The following CARMIL3 variants were observed in gnomAD, a reference collection of about 807,000 sequenced individuals.
The protein encoded by CARMIL3 is capping protein regulator and myosin 1 linker 3, also known as capping protein, Arp2/3 and myosin-I linker protein 3.
A neutral mutation model predicts 180.8 loss-of-function variants in CARMIL3; 88 were observed. The observed-to-expected ratio is 0.49, with a 90% CI of 0.41 to 0.58. CARMIL3 has a LOEUF of 0.58. Ranked by LOEUF, CARMIL3 falls within the 20% of genes least tolerant of loss-of-function variation. CARMIL3 has a pLI of 0.00. For synonymous variants in CARMIL3, 696 were observed against 714.5 expected (o/e 0.97, Z 0.41); for missense variants, 1,548 against 1,787.0 (o/e 0.87, Z 2.41).
chr14:24,057,809 G>T lies in CARMIL3; in HGVS notation c.1147G>T (p.Gly383Cys). The T allele has an allele frequency of 6.2e-7, 1 of 1,608,240 alleles. No individual in the cohort carries two copies. The highest frequency in any genetic ancestry group is 8.5e-7 in the Non-Finnish European group (1 of 1,179,332). The change falls in exon 15 of 40, where the codon GGT becomes TGT. Residue 383 changes from glycine to cysteine, a missense_variant. Gly to Cys is a radical substitution (Grantham distance 159). Around this residue, in one of 4 missense-constraint regions of CARMIL3, gnomAD observed 578 missense variants for 666.5 expected, o/e 0.87. Transcript: ENST00000342740. ...GTDCVIDLLL[G>C]ALLHGCCSHL... ...ACCATATCTCCCCCCACAGCTTCTCGGTGCCCTGCTCCACGGCTGCTGCTC... is the reference window on the plus strand; with the variant it reads ...ACCATATCTCCCCCCACAGCTTCTCTGTGCCCTGCTCCACGGCTGCTGCTC...
chr14:24,061,570 A>G lies in CARMIL3; in HGVS notation c.2378A>G (p.Asn793Ser). ...PVAMRVAEGH[N>S]KMLSNVAERV... is the part of the protein sequence containing the mutation. ...GCCATGCGGGTGGCCGAGGGACACA[A>G]CAAGATGCTGAGCAATGTGGCGGAG... The change falls in exon 27 of 40, where the codon AAC (asparagine) becomes AGC (serine). Residue 793 changes from asparagine (N) to serine (S), a missense_variant. Around this residue, in one of 4 missense-constraint regions of CARMIL3, gnomAD observed 297 missense variants for 415.9 expected, o/e 0.71. Coordinates refer to ENST00000342740, the MANE Select transcript of CARMIL3 (RefSeq NM_138360.4). The surrounding 1 kb of genome is among the most constrained non-coding windows in gnomAD (Gnocchi z 4.1). 6.2e-7 allele frequency: 1 copy of G among 1,614,040 alleles called. No homozygotes were observed. Among genetic ancestry groups the G allele is most frequent in the Non-Finnish European group, 8.5e-7 (1 of 1,179,984 alleles).
Position 24,066,943 on chromosome 14 carries a change from G to C in CARMIL3, c.3682+287G>C, listed in dbSNP as rs1408066520. Reference sequence around the variant, plus strand: ...ATTCTCCAGGGCAGGTGCAGCCTCTGGTCACCATTGGCACAGTGGCAGCCT... The same window carrying C: ...ATTCTCCAGGGCAGGTGCAGCCTCTCGTCACCATTGGCACAGTGGCAGCCT... On this transcript the variant is annotated intron_variant, in intron 36 of 39. Transcript: ENST00000342740. Among the ~76,000 whole-genome samples, 3 of 152,330 alleles carry C rather than the reference G, an allele frequency of 2.0e-5. No individual in the cohort carries two copies. The East Asian group carries it at 5.8e-4, about 29-fold the overall frequency.
intron 12 of CARMIL3, 56 bp from the exon 13 acceptor site, chr14:24,056,859 C>T: frequency 6.4e-7 from 1 of 1,572,250 alleles, no homozygotes; most frequent in Non-Finnish European, 8.7e-7. Context: ...GAGTTATGTG[C>T]TGAGGGGAAG....
chr14:24,060,314 G>A, intron 24 of CARMIL3, 59 bp downstream of exon 24: 2 of 1,581,752 alleles, frequency 1.3e-6, no homozygotes, highest in South Asian at 1.1e-5. Flanking sequence ...ACAGTGTGAT[G>A]TGATGGAAAA....
At position 24,065,093 on chromosome 14, in the gene CARMIL3, C is replaced by T. The variant is rs756815761; in HGVS notation, c.3216C>T (p.Ser1072=). The T allele has an allele frequency of 2.5e-6, 4 of 1,577,646 alleles. No homozygotes were observed. The highest frequency in any genetic ancestry group is 2.3e-5 in the East Asian group (1 of 44,250). Residue 1072 remains serine, a synonymous_variant, in exon 33 of 40, where the codon TCC becomes TCT. Coordinates refer to ENST00000342740, the MANE Select transcript of CARMIL3 (RefSeq NM_138360.4). The stretch of plus-strand genomic sequence containing the variant: ...TCAAGGGGGACAGGGGGCCGGGGTC[C>T]CCTACCACTGGACTCCTCCTCCCTC... ...RSFKGDRGPG[S]PTTGLLLPPP... is the part of the protein sequence containing the mutation.
At chr14:24,057,368 G>C in intron 14 of CARMIL3, 124 bp downstream of exon 14, 7 of 847,528 alleles carry the variant, frequency 8.3e-6, no homozygotes, top group Non-Finnish European at 1.2e-5. Context: ...TTCAGGTTCA[G>C]CTGAAGTATA....
rs569649032 is a variant in CARMIL3 at position 24,065,745 on chromosome 14, C to A, written c.3520C>A (p.Arg1174=). The A allele has an allele frequency of 3.7e-6, 6 of 1,613,904 alleles. No individual in the cohort carries two copies. In the East Asian group the frequency reaches 6.7e-5, roughly 18 times the overall value. The change falls in exon 34 of 40, where the codon CGA becomes AGA. Residue 1174 remains arginine (R), a synonymous_variant. Transcript: ENST00000342740. ...RAKGWSFDGK[R]EGPGPDQEGS... The stretch of plus-strand genomic sequence containing the variant: ...CAAGGGTTGGAGCTTCGATGGGAAA[C>A]GAGAGGTGAGTGGAGCCTGGGACAA...
rs777649770 is a variant in CARMIL3 at position 24,069,374 on chromosome 14, A to G, written c.4094-5A>G. On this transcript the variant is annotated splice_polypyrimidine_tract_variant and splice_region_variant and intron_variant, in intron 39 of 39. Coordinates refer to ENST00000342740, the MANE Select transcript of CARMIL3 (RefSeq NM_138360.4). ...AACAGGGCTCCCTGGATTTGTCCCC[A>G]GCAGGAACCAGTGAGCCAGGAACAG... is the stretch of plus-strand genomic sequence containing the variant. The G allele has an allele frequency of 6.2e-7, 1 of 1,614,110 alleles. No homozygotes were observed. The highest frequency in any genetic ancestry group is 1.7e-5 in the Admixed American group (1 of 60,016).
In CARMIL3 at chr14:24,062,768, G is replaced by A; in HGVS notation, c.2628G>A (p.Gly876=). The stretch of plus-strand genomic sequence containing the variant: ...ATCCACCAGGGTGCCCAGGCCAAGG[G>A]CAGGATCTGTCCTCCCGGGGCCGAG... ...LSDPPGCPGQ[G]QDLSSRGRGR... The change falls in exon 29 of 40, where the codon GGG becomes GGA. Residue 876 remains glycine, a synonymous_variant. Transcript: ENST00000342740. 1 of 1,613,862 alleles carries A rather than the reference G, an allele frequency of 6.2e-7. No individual in the cohort carries two copies. Among genetic ancestry groups the A allele is most frequent in the Non-Finnish European group, 8.5e-7 (1 of 1,179,854 alleles).
rs370799417 is a variant in CARMIL3, at chr14:24,058,087, G to C, written c.1322+23G>C. 23 of 1,613,764 alleles carry C rather than the reference G, an allele frequency of 1.4e-5. No individual in the cohort carries two copies. Among genetic ancestry groups the C allele is most frequent in the Non-Finnish European group, 1.9e-5 (23 of 1,179,976 alleles). ...CAGGTCGGGTGGGTGCAGGGTTGGG[G>C]GCGCATCCAAGGGAACCACGGGGAG... On this transcript the variant is annotated intron_variant, in intron 16 of 39. Coordinates refer to ENST00000342740, the MANE Select transcript of CARMIL3 (RefSeq NM_138360.4). This position sits in a 1 kb window ranked among gnomAD's most constrained non-coding sequence, Gnocchi z 6.4.
chr14:24,052,308 C>T, intron 1 of CARMIL3, 115 bp downstream of exon 1: 1 of 1,073,472 alleles, frequency 9.3e-7, no homozygotes, highest in Non-Finnish European at 1.3e-6. Context: ...CCCATGCATC[C>T]TGGCTCCAAG....
rs765517737 is a variant in CARMIL3 at position 24,053,740 on chromosome 14, C to G, written c.72C>G (p.Ala24=). ...DSIRRCLSQG[A]VLQQHHVKLE... Reference sequence around the variant, plus strand: ...TCCGGAGGTGCCTGAGCCAAGGGGCCGTGCTCCAACAACATCATGTGAAGT... The same window carrying G: ...TCCGGAGGTGCCTGAGCCAAGGGGCGGTGCTCCAACAACATCATGTGAAGT... Residue 24 remains alanine (A), a synonymous_variant, in exon 2 of 40, where the codon GCC becomes GCG. Coordinates refer to ENST00000342740, the MANE Select transcript of CARMIL3 (RefSeq NM_138360.4). 1 of 1,613,468 alleles carries G rather than the reference C, an allele frequency of 6.2e-7. No homozygotes were observed. Among genetic ancestry groups the G allele is most frequent in the Non-Finnish European group, 8.5e-7 (1 of 1,179,634 alleles).
chr14:24,059,271 C>A lies in CARMIL3; in HGVS notation c.1628C>A (p.Ser543Tyr). 2 of 1,613,962 alleles carry A rather than the reference C, an allele frequency of 1.2e-6. No individual in the cohort carries two copies. The highest frequency in any genetic ancestry group is 1.7e-6 in the Non-Finnish European group (2 of 1,180,012). ...TCCAACCGCCCCTTGCCCACACAGT[C>A]CCTGCAGTCACTGTCGGTGGCAGAC... Reference protein sequence around the residue: ...LVQLIQEEDCSLQSLSVADSR... With the variant: ...LVQLIQEEDCYLQSLSVADSR... The change falls in exon 21 of 40, where the codon TCC becomes TAC. Residue 543 changes from serine (S) to tyrosine (Y), a missense_variant and splice_region_variant. By Grantham distance (144) the Ser-to-Tyr change is moderately radical (BLOSUM62 -2). Coordinates refer to ENST00000342740, the MANE Select transcript of CARMIL3 (RefSeq NM_138360.4). This position sits in a 1 kb window ranked among gnomAD's most constrained non-coding sequence, Gnocchi z 6.3.
chr14:24,052,237 T>A (rs1328327677), intron 1 of CARMIL3, 44 bp downstream of exon 1: 29 of 1,542,378 alleles, frequency 1.9e-5, no homozygotes, highest in Non-Finnish European at 2.5e-5. Flanking sequence ...TCCGGGAGCA[T>A]CCCAGACCCA....
Position 24,069,425 on chromosome 14 carries a change from T to A in CARMIL3, c.*21T>A. 6.2e-7 allele frequency: 1 copy of A among 1,614,010 alleles called. No individual in the cohort carries two copies. The highest frequency in any genetic ancestry group is 1.3e-5 in the African/African-American group (1 of 74,996). ...ACTGACAACTGCCACAACACCCTCC[T>A]CAGCCCTCGACATGTGCCTCGCAAG... On this transcript the variant is annotated 3_prime_UTR_variant, in exon 40 of 40. Coordinates refer to ENST00000342740, the MANE Select transcript of CARMIL3 (RefSeq NM_138360.4).
Position 24,057,857 on chromosome 14 carries a change from G to C in CARMIL3, c.1195G>C (p.Ala399Pro). Residue 399 changes from alanine (A) to proline (P), a missense_variant, in exon 15 of 40, where the codon GCT (alanine) becomes CCT (proline). Around this residue, in one of 4 missense-constraint regions of CARMIL3, gnomAD observed 578 missense variants for 666.5 expected, o/e 0.87. Coordinates refer to ENST00000342740, the MANE Select transcript of CARMIL3 (RefSeq NM_138360.4). ...CCSHLTYLNL[A>P]RNSCSHRKGR... ...CTCCCACCTCACCTACCTCAACCTG[G>C]CTCGCAACAGCTGCTCCCACAGGTG... 6.2e-7 allele frequency: 1 copy of C among 1,612,364 alleles called. No individual in the cohort carries two copies. The highest frequency in any genetic ancestry group is 8.5e-7 in the Non-Finnish European group (1 of 1,179,870).
rs563647697 is a variant in CARMIL3 at position 24,058,504 on chromosome 14, G to A, written c.1393-176G>A. ...CTTAGGAATAGCAGCCTTCCTGGCC[G>A]AAGGGAGGGAAGCCAGCTCTAGGGA... On this transcript the variant is annotated intron_variant, in intron 17 of 39. Transcript: ENST00000342740. This position sits in a 1 kb window ranked among gnomAD's most constrained non-coding sequence, Gnocchi z 6.4. Among the ~76,000 whole-genome samples the A allele has an allele frequency of 3.9e-5, 6 of 152,286 alleles. No individual in the cohort carries two copies. The highest frequency in any genetic ancestry group is 2.6e-4 in the Admixed American group (4 of 15,306).
intron 29 of CARMIL3, 134 bp from the exon 30 acceptor site, chr14:24,062,986 C>A: frequency 6.5e-7 from 1 of 1,537,448 alleles, no homozygotes; most frequent in Non-Finnish European, 8.8e-7. Context: ...TCAATCCAGC[C>A]CAACCTCTTC....
At position 24,060,268 on chromosome 14, in the gene CARMIL3, C is replaced by T; in HGVS notation, c.2061+13C>T. 1.9e-6 allele frequency: 3 copies of T among 1,613,824 alleles called. No individual in the cohort carries two copies. Among genetic ancestry groups the T allele is most frequent in the Non-Finnish European group, 2.5e-6 (3 of 1,179,844 alleles). Reference sequence around the variant, plus strand: ...CAGCGCCGAGCAAGTAAACGTTTCCCTCTGGGACACGGGGCATACCCGGGG... The same window carrying T: ...CAGCGCCGAGCAAGTAAACGTTTCCTTCTGGGACACGGGGCATACCCGGGG... On this transcript the variant is annotated intron_variant, in intron 24 of 39. Transcript: ENST00000342740.
Sources: gnomAD v4.1 joint callset for allele counts (sites outside exome capture counted in the v4.1 genomes callset) on GRCh38, gnomAD v4.1.1 for gene constraint, gnomAD v4.1.1 regional missense constraint, Gnocchi (gnomAD v3.1) non-coding constraint, MANE v1.5 for transcripts, NCBI Gene and HGNC (gene_info 2026-07-23, HGNC 2026-07-21) for gene names.